KREMEN1: variants seen among roughly 807,000 people sequenced by gnomAD.
KREMEN1 encodes the protein kringle containing transmembrane protein 1.
A neutral mutation model predicts 46.5 loss-of-function variants in KREMEN1; 30 were observed. The ratio of observed to expected loss-of-function variants is 0.65; its 90% CI spans 0.48 to 0.88. The LOEUF is 0.88. Among genes scored for constraint, KREMEN1 ranks in the 40% least tolerant of loss-of-function variants. The pLI is 0.00. For synonymous variants in KREMEN1, 214 were observed against 230.6 expected (o/e 0.93, Z 0.65); for missense variants, 533 against 596.9 (o/e 0.89, Z 1.11).
At chr22:29,103,913 C>A (rs559600202) in intron 3 of KREMEN1, among the ~76,000 whole-genome samples, 12 of 151,984 alleles carry the variant, frequency 7.9e-5, no homozygotes, top group Non-Finnish European at 1.3e-4. Context: ...CAATCCAGCC[C>A]CCCAAACAGT....
intron 9 of KREMEN1, among the ~76,000 whole-genome samples, chr22:29,153,809 C>T (rs2347996): frequency 0.043 from 6,546 of 151,918 alleles, 220 homozygotes; most frequent in East Asian, 0.11. Flanking sequence ...GTTGAAACCC[C>T]GTCTCTACTA....
chr22:29,119,697 C>A (rs1471874258), intron 3 of KREMEN1, among the ~76,000 whole-genome samples: 2 of 152,214 alleles, frequency 1.3e-5, no homozygotes, highest in Non-Finnish European at 2.9e-5. Flanking sequence ...AGAGTTGGTA[C>A]ATATATTTAG....
At chr22:29,125,920 T>A (rs1461148399) in intron 5 of KREMEN1, among the ~76,000 whole-genome samples, 1 of 152,116 alleles carries the variant, frequency 6.6e-6, no homozygotes, top group Non-Finnish European at 1.5e-5. Flanking sequence ...CTGCCGCATT[T>A]GTGAGATACT....
chr22:29,138,830 G>A, intron 7 of KREMEN1, 48 bp downstream of exon 7: 1 of 1,614,112 alleles, frequency 6.2e-7, no homozygotes, highest in African/African-American at 1.3e-5. Context: ...CCACAGAGTT[G>A]AAGGTAGCGC....
At chr22:29,080,916 G>A (rs554552810) in intron 1 of KREMEN1, among the ~76,000 whole-genome samples, 6 of 142,520 alleles carry the variant, frequency 4.2e-5, no homozygotes, top group East Asian at 4.1e-4. Context: ...GAGAAACCCC[G>A]TCCTGATTGT....
At chr22:29,165,821 G>A (rs1218547018) in intron 9 of KREMEN1, among the ~76,000 whole-genome samples, 9 of 152,232 alleles carry the variant, frequency 5.9e-5, no homozygotes, top group African/African-American at 2.2e-4. Context: ...TCCTCCTGCC[G>A]GGTCCCTAGG....
At chr22:29,101,803 G>C (rs1207234000) in intron 3 of KREMEN1, among the ~76,000 whole-genome samples, 8 of 152,186 alleles carry the variant, frequency 5.3e-5, no homozygotes, top group Non-Finnish European at 1.2e-4. Context: ...ATCTCAGTTT[G>C]TGCAAGTGCA....
chr22:29,085,816 A>G (rs1468128034), intron 1 of KREMEN1, among the ~76,000 whole-genome samples: 2 of 152,050 alleles, frequency 1.3e-5, no homozygotes, highest in Non-Finnish European at 2.9e-5. Context: ...ACAAAAAATT[A>G]AAAAATTAGC....
At chr22:29,118,423 A>G (rs1259595362) in intron 3 of KREMEN1, among the ~76,000 whole-genome samples, 1 of 152,144 alleles carries the variant, frequency 6.6e-6, no homozygotes, top group African/African-American at 2.4e-5. Flanking sequence ...TGTCTTAGGC[A>G]GTTTGGGCTG....
At chr22:29,124,169 G>T (rs1250677296) in intron 4 of KREMEN1, among the ~76,000 whole-genome samples, 2 of 152,036 alleles carry the variant, frequency 1.3e-5, no homozygotes, top group Non-Finnish European at 2.9e-5. Context: ...ACTAGAAACA[G>T]CCCAACAGAT....
At chr22:29,108,955 A>G (rs2038102020) in intron 3 of KREMEN1, among the ~76,000 whole-genome samples, 1 of 151,984 alleles carries the variant, frequency 6.6e-6, no homozygotes, top group African/African-American at 2.4e-5. Flanking sequence ...ATGCCTGGCA[A>G]ATATTTTTAC....
At chr22:29,150,228 G>C (rs577428055), downstream of KREMEN1, among the ~76,000 whole-genome samples, 7 of 152,200 alleles carry the variant, frequency 4.6e-5, no homozygotes, top group Non-Finnish European at 8.8e-5. Flanking sequence ...TGGTGGGGGG[G>C]GGGGCAGTGC....
At chr22:29,099,767 C>G (rs942332008) in intron 3 of KREMEN1, among the ~76,000 whole-genome samples, 3 of 152,074 alleles carry the variant, frequency 2.0e-5, no homozygotes, top group African/African-American at 7.2e-5. Context: ...CCAGGATGGT[C>G]TCGATCTCTT....
At chr22:29,088,736 A>G (rs1395447675) in intron 1 of KREMEN1, among the ~76,000 whole-genome samples, 2 of 152,150 alleles carry the variant, frequency 1.3e-5, no homozygotes, top group Non-Finnish European at 2.9e-5. Context: ...TTGAATACCT[A>G]CTATGTACCG....
chr22:29,115,089 C>G (rs1393681089), intron 3 of KREMEN1, among the ~76,000 whole-genome samples: 1 of 152,212 alleles, frequency 6.6e-6, no homozygotes, highest in African/African-American at 2.4e-5. Flanking sequence ...TATTCATTCA[C>G]TCTGCCCAAG....
chr22:29,079,409 G>A (rs1291941273), intron 1 of KREMEN1, among the ~76,000 whole-genome samples: 1 of 152,210 alleles, frequency 6.6e-6, no homozygotes, highest in Admixed American at 6.5e-5. Flanking sequence ...CCCCTCTGCC[G>A]GGCCCAGCTT....
rs2038845989 is a variant in KREMEN1 at position 29,145,615 on chromosome 22, C to T, written c.*3503C>T. The T allele has an allele frequency of 2.7e-5, 27 of 985,406 alleles. No individual in the cohort carries two copies. The South Asian group carries it at 9.4e-4, about 34-fold the overall frequency. The allele number at this position is 985,406 out of a possible 1,614,324, so 61.0% of individuals were successfully genotyped here. A position where few individuals can be genotyped will look rare whatever the true frequency, so the allele number is the denominator to read the frequency against. On this transcript the variant is annotated 3_prime_UTR_variant, in exon 9 of 9. Coordinates refer to ENST00000400335, the MANE Select transcript of KREMEN1 (RefSeq NM_001039570.3). ...TCCTTGGCCCTTCTGAGAAGGCAGGCGGGAGGCACACGGTGCCCTGTTCTT... is the reference window on the plus strand; with the variant it reads ...TCCTTGGCCCTTCTGAGAAGGCAGGTGGGAGGCACACGGTGCCCTGTTCTT...
intron 2 of KREMEN1, among the ~76,000 whole-genome samples, chr22:29,095,518 A>T (rs2145765281): frequency 6.6e-6 from 1 of 152,352 alleles, no homozygotes; most frequent in South Asian, 2.1e-4. Context: ...GAATTTAATT[A>T]TTATTAGTAC....
intron 1 of KREMEN1, 36 bp from the exon 2 acceptor site, chr22:29,094,222 A>G: frequency 2.5e-6 from 4 of 1,568,644 alleles, no homozygotes; most frequent in Non-Finnish European, 1.7e-6. Context: ...GAATGTTGCC[A>G]GAAAATTAGT....
Sources: gnomAD v4.1 joint callset for allele counts (sites outside exome capture counted in the v4.1 genomes callset) on GRCh38, gnomAD v4.1.1 for gene constraint, MANE v1.5 for transcripts, NCBI Gene and HGNC (gene_info 2026-07-23, HGNC 2026-07-21) for gene names.